F11: variants seen among roughly 807,000 people sequenced by gnomAD.
The protein encoded by F11 is coagualtion factor XI.
A neutral mutation model predicts 76.5 loss-of-function variants in F11; 78 were observed. The ratio of observed to expected loss-of-function variants is 1.02; its 90% CI spans 0.85 to 1.23. F11 has a LOEUF of 1.23. Ranked by LOEUF, F11 falls within the 50% of genes most tolerant of loss-of-function variation. The pLI, the probability that F11 is intolerant of heterozygous loss-of-function variation, is 0.00. For synonymous variants in F11, 278 were observed against 276.3 expected, an observed-to-expected ratio of 1.01 and a Z score of -0.06; for missense variants, 742 against 771.4, an observed-to-expected ratio of 0.96 and a Z score of 0.45.
intron 5 of F11, 141 bp downstream of exon 5, chr4:186,274,416 C>A: frequency 9.5e-7 from 1 of 1,054,098 alleles, no homozygotes; most frequent in Non-Finnish European, 1.4e-6. Flanking sequence ...TAGTTTTCTT[C>A]ATGAAAAATA....
intron 7 of F11, 29 bp downstream of exon 7, chr4:186,276,419 G>T (rs1381151190): frequency 1.2e-6 from 2 of 1,610,902 alleles, no homozygotes; most frequent in Non-Finnish European, 1.7e-6. Flanking sequence ...AGGATAATTT[G>T]TTATCTTCTA....
downstream of F11, among the ~76,000 whole-genome samples, chr4:186,290,398 T>C (rs533329439): frequency 6.6e-6 from 1 of 152,060 alleles, no homozygotes; most frequent in Non-Finnish European, 1.5e-5. Context: ...TCAAACAAAA[T>C]TGGAATTGAA....
At chr4:186,287,597 T>G in intron 13 of F11, 87 bp from the exon 14 acceptor site, 1 of 478,442 alleles carries the variant, frequency 2.1e-6, no homozygotes, top group Non-Finnish European at 3.2e-6. Flanking sequence ...TAAAAATATA[T>G]ATATATATAT....
chr4:186,275,619 C>T (rs1177379320), intron 5 of F11, among the ~76,000 whole-genome samples, 168 bp from the exon 6 acceptor site: 2 of 152,192 alleles, frequency 1.3e-5, no homozygotes, highest in East Asian at 3.8e-4. Context: ...ACACAATTCA[C>T]AGGTGCTTAG....
intron 1 of F11, among the ~76,000 whole-genome samples, chr4:186,266,895 G>A (rs1739542522): frequency 1.3e-5 from 2 of 151,514 alleles, no homozygotes; most frequent in African/African-American, 4.8e-5. Context: ...GGAGGGGAGA[G>A]CGCTGCTTCC....
Position 186,271,721 on chromosome 4 carries a change from T to A in F11, c.168T>A (p.Cys56Ter), listed in dbSNP as rs1739974269. ...CQVVCTYHPR[C>*]LLFTFTAESP... ...TAGTCTGCACTTACCACCCAAGATG[T>A]TTACTCTTCACTTTCACGGCGGAAT... The change falls in exon 3 of 15, where the codon TGT becomes TGA. Residue 56 changes from cysteine (C) to a stop codon, truncating the protein, a stop_gained. Transcript: ENST00000403665. LOFTEE classifies it high-confidence loss of function. 6.2e-7 allele frequency: 1 copy of A among 1,614,154 alleles called. No homozygotes were observed. Among genetic ancestry groups the A allele is most frequent in the Non-Finnish European group, 8.5e-7 (1 of 1,180,028 alleles).
Position 186,280,505 on chromosome 4 carries a change from G to C in F11, c.1060G>C (p.Gly354Arg). The C allele has an allele frequency of 6.2e-7, 1 of 1,614,076 alleles. No homozygotes were observed. Among genetic ancestry groups the C allele is most frequent in the Non-Finnish European group, 8.5e-7 (1 of 1,180,010 alleles). The part of the protein sequence containing the change: ...GKCYLKLSSN[G>R]SPTKILHGRG... ...GTGTTACTTAAAGCTTTCTTCAAAC[G>C]GATCTCCAACTAAAATACTTCACGG... is the stretch of plus-strand genomic sequence containing the variant. Residue 354 changes from glycine to arginine, a missense_variant, in exon 10 of 15, where the codon GGA becomes CGA. Gly to Arg is a moderately radical substitution (Grantham distance 125, BLOSUM62 -2). Coordinates refer to ENST00000403665, the MANE Select transcript of F11 (RefSeq NM_000128.4).
In F11 at chr4:186,287,817, T is replaced by C. The variant is rs1027606085; in HGVS notation, c.1710T>C (p.Ala570=). The change falls in exon 14 of 15, where the codon GCT becomes GCC. Residue 570 remains alanine, a synonymous_variant. Transcript: ENST00000403665. Reference sequence around the variant, plus strand: ...GCTACAGGGAAGGAGGGAAGGACGCTTGCAAGGTAACAGAGTGTTCTTAGC... The same window carrying C: ...GCTACAGGGAAGGAGGGAAGGACGCCTGCAAGGTAACAGAGTGTTCTTAGC... ...CAGYREGGKD[A]CKGDSGGPLS... 1 of 1,612,614 alleles carries C rather than the reference T, an allele frequency of 6.2e-7. No homozygotes were observed. Among genetic ancestry groups the C allele is most frequent in the African/African-American group, 1.3e-5 (1 of 74,964 alleles).
At chr4:186,268,903 A>G (rs1175307986) in intron 2 of F11, among the ~76,000 whole-genome samples, 2 of 152,210 alleles carry the variant, frequency 1.3e-5, no homozygotes, top group Admixed American at 1.3e-4. Flanking sequence ...CTTAAGTGCT[A>G]AGAAATTAGA....
chr4:186,267,119 C>T lies in F11; in HGVS notation c.-1-17C>T. ...ACATTTTATGTTCTAAAAGCATGCACCTTTTTCTCATTGTAGGATGATTTT... is the reference window on the plus strand; with the variant it reads ...ACATTTTATGTTCTAAAAGCATGCATCTTTTTCTCATTGTAGGATGATTTT... On this transcript the variant is annotated splice_polypyrimidine_tract_variant and intron_variant, in intron 1 of 14. Coordinates refer to ENST00000403665, the MANE Select transcript of F11 (RefSeq NM_000128.4). 1.3e-6 allele frequency: 2 copies of T among 1,517,640 alleles called. No individual in the cohort carries two copies. The highest frequency in any genetic ancestry group is 1.1e-5 in the South Asian group (1 of 89,188). 94.0% of individuals were successfully genotyped at this position (1,517,640 alleles called of 1,614,324 possible). A position where few individuals can be genotyped will look rare whatever the true frequency, so the allele number is the denominator to read the frequency against.
chr4:186,279,494 A>G (rs1054886844), intron 7 of F11, among the ~76,000 whole-genome samples: 1 of 152,208 alleles, frequency 6.6e-6, no homozygotes, highest in African/African-American at 2.4e-5. Flanking sequence ...ATTGGATGGC[A>G]CAGGCATAGA....
intron 5 of F11, chr4:186,275,222 G>A (rs1219775782): frequency 6.6e-6 from 3 of 455,936 alleles, no homozygotes; most frequent in Non-Finnish European, 1.3e-5. Flanking sequence ...CAGGCGCGGT[G>A]GCTCACACCT....
downstream of F11, among the ~76,000 whole-genome samples, chr4:186,290,484 A>C (rs531446007): frequency 6.6e-6 from 1 of 152,350 alleles, no homozygotes; most frequent in East Asian, 1.9e-4. Context: ...TGGAAGCAAC[A>C]CTTCACACAA....
rs566650354 is a variant in F11 at position 186,288,049 on chromosome 4, C to T, written c.1716+226C>T. 1.2e-4 allele frequency among the ~76,000 whole-genome samples: 18 copies of T among 151,434 alleles called. No individual in the cohort carries two copies. In the East Asian group the frequency reaches 2.9e-3, roughly 25 times the overall value. On this transcript the variant is annotated intron_variant, in intron 14 of 14. Transcript: ENST00000403665. ...CCTCCCAAATAGCTGGGACTACAGG[C>T]GCCAGCTACCAAGCCCAGCTAGCGT...
Position 186,274,253 on chromosome 4 carries a change from C to T in F11, c.463C>T (p.Gln155Ter). The T allele has an allele frequency of 6.2e-7, 1 of 1,614,218 alleles. No individual in the cohort carries two copies. Among genetic ancestry groups the T allele is most frequent in the Non-Finnish European group, 8.5e-7 (1 of 1,180,046 alleles). ...CCACTTTTTCACGTACGCCACAAGG[C>T]AGTTTCCCAGCCTGGAGCATCGGTG... is the stretch of plus-strand genomic sequence containing the variant. The part of the protein sequence containing the change: ...HCHFFTYATR[Q>*]FPSLEHRNIC... Residue 155 changes from glutamine to a stop codon, truncating the protein, a stop_gained, in exon 5 of 15, where the codon CAG (glutamine) becomes TAG (stop). Transcript: ENST00000403665. LOFTEE classifies it high-confidence loss of function.
intron 4 of F11, among the ~76,000 whole-genome samples, 153 bp downstream of exon 4, chr4:186,273,330 C>G (rs1740121754): frequency 6.6e-6 from 1 of 152,218 alleles, no homozygotes; most frequent in African/African-American, 2.4e-5. Flanking sequence ...AACTAGTATA[C>G]ATACATGCCT....
intron 10 of F11, chr4:186,283,141 T>A (rs761550927): frequency 6.8e-6 from 5 of 732,606 alleles, no homozygotes; most frequent in Non-Finnish European, 8.3e-6. Context: ...TGTTACTGAG[T>A]CAGAATCTGC....
downstream of F11, among the ~76,000 whole-genome samples, chr4:186,290,339 T>G (rs555940743): frequency 1.8e-4 from 28 of 152,106 alleles, no homozygotes; most frequent in African/African-American, 6.5e-4. Context: ...CCCAAAAGAA[T>G]AAAATGACGG....
Position 186,271,770 on chromosome 4 carries a change from T to A in F11, c.217T>A (p.Trp73Arg). Residue 73 changes from tryptophan (W) to arginine (R), a missense_variant and splice_region_variant, in exon 3 of 15, where the codon TGG (tryptophan) becomes AGG (arginine). Trp to Arg is a moderately radical substitution (Grantham distance 101, BLOSUM62 -3). Coordinates refer to ENST00000403665, the MANE Select transcript of F11 (RefSeq NM_000128.4). Reference protein sequence around the residue: ...AESPSEDPTRWFTCVLKDSVT... With the variant: ...AESPSEDPTRRFTCVLKDSVT... ...ATCACCATCTGAGGATCCCACCCGA[T>A]GGTAAATGCTTATGTTTCTACATCG... 6.2e-7 allele frequency: 1 copy of A among 1,614,192 alleles called. No homozygotes were observed. The highest frequency in any genetic ancestry group is 1.3e-5 in the African/African-American group (1 of 75,054).
Sources: gnomAD v4.1 joint callset for allele counts (sites outside exome capture counted in the v4.1 genomes callset) on GRCh38, gnomAD v4.1.1 for gene constraint, MANE v1.5 for transcripts, NCBI Gene and HGNC (gene_info 2026-07-23, HGNC 2026-07-21) for gene names.